Variants in ISLR2 observed in about 807,000 individuals in gnomAD.
ISLR2 encodes immunoglobulin superfamily containing leucine-rich repeat protein 2.
A neutral mutation model predicts 25.5 loss-of-function variants in ISLR2; 16 were observed. The ratio of observed to expected loss-of-function variants is 0.63; its 90% CI spans 0.43 to 0.95. The LOEUF (loss-of-function observed/expected upper bound fraction) is 0.95. Among genes scored for constraint, ISLR2 ranks in the 40% least tolerant of loss-of-function variants. ISLR2 has a pLI of 0.00. For missense variants in ISLR2, 883 were observed against 1,030.7 expected, an observed-to-expected ratio of 0.86 and a Z score of 1.96; for synonymous variants, 508 against 486.6, an observed-to-expected ratio of 1.04 and a Z score of -0.58.
chr15:74,104,232 T>G (rs929456604), intron 2 of ISLR2, among the ~76,000 whole-genome samples: 2 of 152,202 alleles, frequency 1.3e-5, no homozygotes, highest in African/African-American at 4.8e-5. Context: ...GAAATCACTT[T>G]GGCTGTCACA....
In ISLR2 at chr15:74,132,605, G is replaced by A; in HGVS notation, c.-8-142G>A. 1 of 1,197,030 alleles carries A rather than the reference G, an allele frequency of 8.4e-7. No homozygotes were observed. Among genetic ancestry groups the A allele is most frequent in the Non-Finnish European group, 1.1e-6 (1 of 883,148 alleles). 74.2% of individuals were successfully genotyped at this position (1,197,030 alleles called of 1,614,324 possible). On this transcript the variant is annotated intron_variant, in intron 2 of 2. Transcript: ENST00000453268. The surrounding 1 kb of genome is among the most constrained non-coding windows in gnomAD (Gnocchi z 4.3). The stretch of plus-strand genomic sequence containing the variant: ...GAGATTTTTATTGACCTTCACTTCA[G>A]AGAGGCTCCTGGCCATAGAGGAGGT...
At chr15:74,129,296 G>C (rs1157543065), upstream of ISLR2, 3 of 326,708 alleles carry the variant, frequency 9.2e-6, no homozygotes, top group Admixed American at 9.0e-5. This position sits in a 1 kb window ranked among gnomAD's most constrained non-coding sequence, Gnocchi z 4.5. Context: ...CCCCGGGCCG[G>C]GTGGTCTCTT....
chr15:74,128,135 G>C, upstream of ISLR2: 1 of 298,432 alleles, frequency 3.4e-6, no homozygotes, highest in Non-Finnish European at 6.4e-6. Flanking sequence ...CATTAGACCC[G>C]CTTCTGCGCG....
chr15:74,100,863 T>A (rs560755202), intron 1 of ISLR2, among the ~76,000 whole-genome samples: 1 of 151,528 alleles, frequency 6.6e-6, no homozygotes, highest in South Asian at 2.1e-4. Context: ...CTAGATCTTA[T>A]CTTAATTTTT....
downstream of ISLR2, among the ~76,000 whole-genome samples, chr15:74,139,310 T>C (rs1206561132): frequency 6.6e-6 from 1 of 152,208 alleles, no homozygotes; most frequent in Non-Finnish European, 1.5e-5. Context: ...TCTGTCCAAA[T>C]GTTTGGCCAA....
At chr15:74,117,938 C>A (rs1415078239) in intron 2 of ISLR2, among the ~76,000 whole-genome samples, 1 of 152,200 alleles carries the variant, frequency 6.6e-6, no homozygotes, top group Non-Finnish European at 1.5e-5. Flanking sequence ...GGCAGCATCT[C>A]CTCTTATCGA....
upstream of ISLR2, chr15:74,128,746 G>C: frequency 4.5e-6 from 2 of 440,594 alleles, no homozygotes; most frequent in Non-Finnish European, 4.5e-6. Context: ...TGCCGGACCG[G>C]ACTCAGCTCC....
At chr15:74,113,571 TGTTATC>T (rs1218254535) in intron 2 of ISLR2, among the ~76,000 whole-genome samples, 22 of 152,254 alleles carry the variant, frequency 1.4e-4, no homozygotes, top group Admixed American at 1.4e-3. Context: ...ATGTGGGTTA[TGTTATC>T]CTACTCTAGT....
chr15:74,121,615 A>C (rs1433156844), intron 2 of ISLR2, among the ~76,000 whole-genome samples: 2 of 152,174 alleles, frequency 1.3e-5, no homozygotes, highest in Non-Finnish European at 2.9e-5. Flanking sequence ...CTGAGAAGGG[A>C]GAAAGACTTC....
At chr15:74,124,565 C>T (rs1294771668), upstream of ISLR2, among the ~76,000 whole-genome samples, 2 of 152,108 alleles carry the variant, frequency 1.3e-5, no homozygotes, top group Non-Finnish European at 2.9e-5. Flanking sequence ...TTGAGACCAG[C>T]CTAGCCAACA....
chr15:74,130,999 T>G (rs2072402067), intron 1 of ISLR2: 1 of 152,190 alleles, frequency 6.6e-6, no homozygotes, highest in Non-Finnish European at 1.5e-5. Flanking sequence ...TCTCCGTGGC[T>G]TTAACAAAAG....
At chr15:74,130,886 G>A (rs2072399192) in intron 1 of ISLR2, among the ~76,000 whole-genome samples, 1 of 152,100 alleles carries the variant, frequency 6.6e-6, no homozygotes, top group Admixed American at 6.5e-5. Flanking sequence ...TGTAAATGTG[G>A]GGGTACGTGG....
rs1281925928 is a variant in ISLR2 at position 74,134,336 on chromosome 15, C to G, written c.1582C>G (p.Arg528Gly). 1 of 1,570,640 alleles carries G rather than the reference C, an allele frequency of 6.4e-7. No individual in the cohort carries two copies. Among genetic ancestry groups the G allele is most frequent in the Non-Finnish European group, 8.6e-7 (1 of 1,160,814 alleles). ...CCCGCGACCCGGGCGGCGACCCCTGCGCCTACTCTATCTGTGTCCAGCGGG... is the reference window on the plus strand; with the variant it reads ...CCCGCGACCCGGGCGGCGACCCCTGGGCCTACTCTATCTGTGTCCAGCGGG... ...GAPRPGRRPL[R>G]LLYLCPAGGG... is the part of the protein sequence containing the mutation. The change falls in exon 3 of 3, where the codon CGC (arginine) becomes GGC (glycine). Residue 528 changes from arginine to glycine, a missense_variant. This residue lies in a region of ISLR2 where 612 missense variants were observed against 642.8 expected (regional missense o/e 0.95). Transcript: ENST00000453268.
intron 2 of ISLR2, among the ~76,000 whole-genome samples, chr15:74,111,150 A>C (rs1287464741): frequency 6.6e-6 from 1 of 151,580 alleles, no homozygotes; most frequent in Non-Finnish European, 1.5e-5. Context: ...AAAAAAAAAA[A>C]AAAAAAAAAC....
upstream of ISLR2, chr15:74,129,119 G>T (rs1203168901): frequency 2.2e-6 from 1 of 452,568 alleles, no homozygotes; most frequent in Admixed American, 2.4e-5. This position sits in a 1 kb window ranked among gnomAD's most constrained non-coding sequence, Gnocchi z 4.5. Flanking sequence ...CTCCAGGCCC[G>T]AGCAGGCGGT....
intron 2 of ISLR2, among the ~76,000 whole-genome samples, chr15:74,115,407 G>C (rs1233028689): frequency 1.3e-5 from 2 of 152,196 alleles, no homozygotes; most frequent in Non-Finnish European, 2.9e-5. Flanking sequence ...AACATTGCCA[G>C]GCAATGGCCA....
upstream of ISLR2, chr15:74,126,345 G>GTTTTTTTTT (rs1228122616): frequency 2.0e-3 from 282 of 139,964 alleles, 6 homozygotes; most frequent in African/African-American, 7.9e-3. Flanking sequence ...AAAAGCATAG[G>GTTTTTTTTT]TATTTTTTTT....
At chr15:74,129,210 G>T, upstream of ISLR2, 1 of 371,860 alleles carries the variant, frequency 2.7e-6, no homozygotes, top group Non-Finnish European at 5.3e-6. This position sits in a 1 kb window ranked among gnomAD's most constrained non-coding sequence, Gnocchi z 4.5. Flanking sequence ...GACGGCAGGA[G>T]TAGGGGAGAG....
chr15:74,106,022 G>A (rs1029125629), intron 2 of ISLR2, among the ~76,000 whole-genome samples: 2 of 152,096 alleles, frequency 1.3e-5, no homozygotes, highest in Non-Finnish European at 2.9e-5. Flanking sequence ...CAGACCAGGA[G>A]GAGATATTTA....
Sources: gnomAD v4.1 joint callset for allele counts (sites outside exome capture counted in the v4.1 genomes callset) on GRCh38, gnomAD v4.1.1 for gene constraint, gnomAD v4.1.1 regional missense constraint, Gnocchi (gnomAD v3.1) non-coding constraint, MANE v1.5 for transcripts, NCBI Gene and HGNC (gene_info 2026-07-23, HGNC 2026-07-21) for gene names.